Variants in ERCC6L2 observed in about 807,000 individuals in gnomAD.
ERCC6L2 encodes ERCC excision repair 6 like 2.
Under a neutral mutation model 132.0 loss-of-function variants are expected in ERCC6L2, and 77 were observed. That is an observed-to-expected ratio of 0.58 (90% CI 0.49 to 0.71). The LOEUF is 0.71. ERCC6L2 is among the 30% of genes least tolerant of loss of function. The probability of loss-of-function intolerance (pLI) is 0.00; values close to 1 mark genes in which losing one functional copy is unlikely to be tolerated. For synonymous variants in ERCC6L2, 583 were observed against 632.4 expected (o/e 0.92, Z 1.17); for missense variants, 1,542 against 1,837.6 (o/e 0.84, Z 2.94).
chr9:95,981,298 C>T (rs1483067154), intron 17 of ERCC6L2, among the ~76,000 whole-genome samples: 3 of 152,002 alleles, frequency 2.0e-5, no homozygotes, highest in African/African-American at 7.2e-5. Flanking sequence ...TTATTGATAA[C>T]CAAAATGACA....
In ERCC6L2 at chr9:95,973,000, C is replaced by A. The variant is rs759828628; in HGVS notation, c.3249C>A (p.Ser1083Arg). ...SKLPSHNKKN[S>R]TFIPRKPMKC... Reference sequence around the variant, plus strand: ...TGCCTAGCCATAATAAGAAAAATAGCACTTTTATTCCAAGAAAACCAATGA... The same window carrying A: ...TGCCTAGCCATAATAAGAAAAATAGAACTTTTATTCCAAGAAAACCAATGA... Residue 1083 changes from serine to arginine, a missense_variant, in exon 16 of 19, where the codon AGC becomes AGA. Physicochemically the swap from Ser to Arg is moderately radical, Grantham distance 110. This residue lies in a region of ERCC6L2 where 442 missense variants were observed against 583.4 expected (regional missense o/e 0.76). Transcript: ENST00000653738. The A allele has an allele frequency of 5.2e-6, 7 of 1,357,136 alleles. No homozygotes were observed. Among genetic ancestry groups the A allele is most frequent in the Non-Finnish European group, 6.9e-6 (7 of 1,016,784 alleles). 84.1% of individuals were successfully genotyped at this position (1,357,136 alleles called of 1,614,324 possible). A position where few individuals can be genotyped will look rare whatever the true frequency, so the allele number is the denominator to read the frequency against.
chr9:95,928,050 T>C (rs1830175383), intron 9 of ERCC6L2, 29 bp from the exon 10 acceptor site: 3 of 1,542,796 alleles, frequency 1.9e-6, no homozygotes, highest in Non-Finnish European at 1.8e-6. Context: ...TTGGAACTGG[T>C]TCACTGATTT....
chr9:95,915,464 C>G (rs909825405), intron 4 of ERCC6L2, among the ~76,000 whole-genome samples: 1 of 152,074 alleles, frequency 6.6e-6, no homozygotes, highest in Admixed American at 6.5e-5. Flanking sequence ...TGTCTATACC[C>G]TTTCTTTTCT....
downstream of ERCC6L2, chr9:96,020,124 G>A (rs1243163852): frequency 6.5e-6 from 1 of 153,210 alleles, no homozygotes; most frequent in Non-Finnish European, 1.5e-5. Flanking sequence ...AGAGGTTGCA[G>A]TGAACCAAGA....
chr9:95,903,589 A>G (rs909481255), intron 3 of ERCC6L2, among the ~76,000 whole-genome samples: 35 of 152,086 alleles, frequency 2.3e-4, no homozygotes, highest in African/African-American at 8.2e-4. Context: ...ATAGAATATC[A>G]AGTTTTGGCA....
At chr9:95,885,625 C>CA (rs60692838) in intron 2 of ERCC6L2, among the ~76,000 whole-genome samples, 90,560 of 152,110 alleles carry the variant, frequency 0.6, 27,184 homozygotes, top group East Asian at 0.79. Context: ...TAAACAATTT[C>CA]ACTGGAGTAT....
At chr9:95,977,014 G>A (rs559827003) in intron 16 of ERCC6L2, among the ~76,000 whole-genome samples, 2 of 152,258 alleles carry the variant, frequency 1.3e-5, no homozygotes, top group Admixed American at 1.3e-4. Flanking sequence ...GTGTGCTACA[G>A]TTAGATTTTA....
At chr9:96,037,890 C>T (rs922519653) in intron 19 of ERCC6L2, among the ~76,000 whole-genome samples, 4 of 148,894 alleles carry the variant, frequency 2.7e-5, no homozygotes, top group South Asian at 4.3e-4. Context: ...TCCAGGGTGG[C>T]GCAGGGGCCA....
At chr9:95,943,315 G>A (rs1443940009) in intron 12 of ERCC6L2, among the ~76,000 whole-genome samples, 4 of 151,976 alleles carry the variant, frequency 2.6e-5, no homozygotes, top group Admixed American at 2.6e-4. Context: ...CCTCAGGAAA[G>A]GACCAGGATA....
chr9:96,011,894 C>T (rs1177996949), intron 18 of ERCC6L2, among the ~76,000 whole-genome samples: 3 of 152,206 alleles, frequency 2.0e-5, no homozygotes. Context: ...GTCTATAAAT[C>T]ATGATCCTCA....
chr9:96,031,133 G>C (rs1034299899), intron 19 of ERCC6L2, among the ~76,000 whole-genome samples: 2 of 152,216 alleles, frequency 1.3e-5, no homozygotes. Flanking sequence ...TTCGTGCACT[G>C]TTTTCAGTGT....
chr9:95,877,142 T>C (rs965451536), intron 1 of ERCC6L2: 1 of 152,190 alleles, frequency 6.6e-6, no homozygotes, highest in African/African-American at 2.4e-5. Context: ...AAACAAATGA[T>C]TTCGACTCAT....
intron 2 of ERCC6L2, among the ~76,000 whole-genome samples, chr9:95,897,332 T>C (rs935654715): frequency 6.6e-6 from 1 of 152,218 alleles, no homozygotes; most frequent in African/African-American, 2.4e-5. Context: ...TTTGCTCACT[T>C]GATTTTTGGA....
intron 4 of ERCC6L2, among the ~76,000 whole-genome samples, chr9:95,910,505 T>C (rs1466535750): frequency 1.3e-5 from 2 of 152,204 alleles, no homozygotes; most frequent in Non-Finnish European, 2.9e-5. Flanking sequence ...TTTTTGACTG[T>C]ATGACTAATG....
At chr9:95,893,298 C>T (rs1022430984) in intron 2 of ERCC6L2, among the ~76,000 whole-genome samples, 2 of 152,104 alleles carry the variant, frequency 1.3e-5, no homozygotes, top group African/African-American at 4.8e-5. Context: ...AGAATATACC[C>T]AGTTTGGTTT....
rs544794388 is a variant in ERCC6L2 at position 95,979,886 on chromosome 9, GT to G, written c.3492+1680del. On this transcript the variant is annotated intron_variant, in intron 17 of 18. Coordinates refer to ENST00000653738, the MANE Select transcript of ERCC6L2 (RefSeq NM_020207.7). ...AAACAGGTAGCTAATTTTTTATTAG[GT>G]TTTTTTTTAAACTGTGCCCTTTTTT... Among the ~76,000 whole-genome samples, 1,230 of 151,592 alleles carry G rather than the reference GT, an allele frequency of 8.1e-3. 10 individuals carry two copies. The highest frequency in any genetic ancestry group is 0.034 in the Middle Eastern group (10 of 292).
intron 19 of ERCC6L2, among the ~76,000 whole-genome samples, chr9:96,038,487 A>G (rs542283253): frequency 1.1e-3 from 160 of 152,328 alleles, no homozygotes; most frequent in Non-Finnish European, 1.8e-3. Context: ...CTGGGCCTGA[A>G]GAAGGCCAGA....
At chr9:96,027,765 A>G (rs1280254390) in intron 19 of ERCC6L2, 1 of 152,240 alleles carries the variant, frequency 6.6e-6, no homozygotes, top group East Asian at 1.9e-4. Context: ...TCGCAGCTTC[A>G]TCTCCATCCG....
chr9:95,953,482 A>T (rs1831443602), intron 12 of ERCC6L2, among the ~76,000 whole-genome samples: 1 of 151,586 alleles, frequency 6.6e-6, no homozygotes, highest in Non-Finnish European at 1.5e-5. Flanking sequence ...AGGCTGAGGC[A>T]GGAGAATGGT....
Sources: allele counts gnomAD v4.1 joint callset (sites outside exome capture counted in the v4.1 genomes callset), GRCh38; gene constraint gnomAD v4.1.1; regional missense constraint gnomAD v4.1.1; transcripts MANE v1.5; gene names NCBI Gene and HGNC (gene_info 2026-07-23, HGNC 2026-07-21).